Variants in PIK3C2G observed in about 807,000 individuals in gnomAD.
PIK3C2G encodes phosphatidylinositol 3-kinase C2 domain-containing subunit gamma.
Under a neutral mutation model 181.1 loss-of-function variants are expected in PIK3C2G, and 168 were observed. The ratio of observed to expected loss-of-function variants is 0.93; its 90% CI spans 0.82 to 1.05. The LOEUF is 1.05. Ranked by LOEUF, PIK3C2G falls within the 50% of genes least tolerant of loss-of-function variation. The probability of loss-of-function intolerance (pLI) is 0.00; values close to 1 mark genes in which losing one functional copy is unlikely to be tolerated. For missense variants in PIK3C2G, 1,869 were observed against 1,732.8 expected, an observed-to-expected ratio of 1.08 and a Z score of -1.40; for synonymous variants, 573 against 592.2, an observed-to-expected ratio of 0.97 and a Z score of 0.47.
intron 13 of PIK3C2G, among the ~76,000 whole-genome samples, chr12:18,375,192 CT>C (rs1942349570): frequency 6.6e-6 from 1 of 152,092 alleles, no homozygotes; most frequent in African/African-American, 2.4e-5. Flanking sequence ...TTCTGAGAGA[CT>C]AGTTAAATAG....
chr12:18,393,237 CT>C (rs1372126763), intron 15 of PIK3C2G, among the ~76,000 whole-genome samples: 1 of 151,942 alleles, frequency 6.6e-6, no homozygotes, highest in African/African-American at 2.4e-5. Context: ...GCTAATAACA[CT>C]CATAAAATAA....
chr12:18,551,145 ATCAACTACTC>A (rs1369107330), intron 26 of PIK3C2G, among the ~76,000 whole-genome samples: 4 of 152,018 alleles, frequency 2.6e-5, no homozygotes, highest in Non-Finnish European at 5.9e-5. Flanking sequence ...TCACATCATC[ATCAACTACTC>A]TCTGTTTCCC....
chr12:18,663,540 G>A, the PIK3C2G span, among the ~76,000 whole-genome samples: 2 of 152,066 alleles, frequency 1.3e-5, no homozygotes, highest in South Asian at 4.2e-4. Flanking sequence ...ATCCATAGGA[G>A]GTCCTGGAAA....
intron 1 of PIK3C2G, among the ~76,000 whole-genome samples, chr12:18,278,158 A>C (rs540195127): frequency 2.6e-5 from 4 of 152,278 alleles, no homozygotes; most frequent in African/African-American, 9.6e-5. Flanking sequence ...AAAGCAATAC[A>C]TTTATTACGT....
chr12:18,582,706 A>T (rs1246503123), intron 29 of PIK3C2G, among the ~76,000 whole-genome samples: 3 of 152,182 alleles, frequency 2.0e-5, no homozygotes, highest in African/African-American at 7.2e-5. Flanking sequence ...TCCCTGAGAC[A>T]GAGCTCCCAG....
At chr12:18,564,988 A>G (rs140710210) in intron 28 of PIK3C2G, among the ~76,000 whole-genome samples, 1 of 152,262 alleles carries the variant, frequency 6.6e-6, no homozygotes, top group Non-Finnish European at 1.5e-5. Flanking sequence ...AGCTTTTGTT[A>G]GGATTCTGCT....
intron 16 of PIK3C2G, among the ~76,000 whole-genome samples, chr12:18,408,749 G>A (rs1366131713): frequency 1.3e-5 from 2 of 151,756 alleles, no homozygotes; most frequent in Non-Finnish European, 2.9e-5. Context: ...AGTAGGTGAA[G>A]GACTTCTCAA....
In PIK3C2G at chr12:18,594,520, C is replaced by G. The variant is rs761555330; in HGVS notation, c.4038C>G (p.Leu1346=). The change falls in exon 30 of 33, where the codon CTC becomes CTG. Residue 1346 remains leucine (L), a synonymous_variant. Coordinates refer to ENST00000538779, the MANE Select transcript of PIK3C2G (RefSeq NM_001288772.2). ...TNSDCVLSFF[L]SEAVQQTVEE... ...GTGATTGTGTACTTAGCTTTTTCCT[C>G]TCTGAGGCTGTGCAACAAACAGTTG... 21 of 1,554,726 alleles carry G rather than the reference C, an allele frequency of 1.4e-5. No homozygotes were observed. The highest frequency in any genetic ancestry group is 1.7e-5 in the Non-Finnish European group (20 of 1,157,052).
intron 26 of PIK3C2G, among the ~76,000 whole-genome samples, chr12:18,561,615 T>C (rs540946712): frequency 6.6e-6 from 1 of 151,824 alleles, no homozygotes; most frequent in Non-Finnish European, 1.5e-5. Context: ...GAACGAACAG[T>C]ATGAAAAAAG....
the PIK3C2G span, chr12:18,693,066 T>C: frequency 6.7e-7 from 1 of 1,486,566 alleles, no homozygotes; most frequent in Non-Finnish European, 9.4e-7. Context: ...AGGGAAAAGA[T>C]CAAAAGTGGA....
intron 5 of PIK3C2G, among the ~76,000 whole-genome samples, chr12:18,309,333 T>C (rs1950547896): frequency 6.6e-6 from 1 of 151,848 alleles, no homozygotes; most frequent in Non-Finnish European, 1.5e-5. Flanking sequence ...CATTTTTTAA[T>C]ATTAGCATTT....
At chr12:18,650,702 GTGTATATATCTATATATATATATATA>G (rs1950444268), downstream of PIK3C2G, among the ~76,000 whole-genome samples, 3 of 27,694 alleles carry the variant, frequency 1.1e-4, no homozygotes, top group African/African-American at 2.0e-4. Flanking sequence ...GTGTGTGTGT[GTGTATATATCTATATATATATATATA>G]TATATATATA....
rs773323061 is a variant in PIK3C2G, at chr12:18,503,363, T to C, written c.3099T>C (p.Asn1033=). Residue 1033 remains asparagine (N), a synonymous_variant, in exon 23 of 33, where the codon AAT becomes AAC. Transcript: ENST00000538779. ...GACTGATAGGACCATTGAAAGAAAATACAATTAAAAAGTGGTTCAGTCAGC... is the reference window on the plus strand; with the variant it reads ...GACTGATAGGACCATTGAAAGAAAACACAATTAAAAAGTGGTTCAGTCAGC... ...HSGLIGPLKE[N]TIKKWFSQHN... is the part of the protein sequence containing the mutation. 4.5e-5 allele frequency: 73 copies of C among 1,611,788 alleles called. No homozygotes were observed. The highest frequency in any genetic ancestry group is 1.6e-4 in the Middle Eastern group (1 of 6,076).
chr12:18,619,960 G>A (rs1367379334), intron 31 of PIK3C2G, among the ~76,000 whole-genome samples: 8 of 151,942 alleles, frequency 5.3e-5, no homozygotes, highest in African/African-American at 1.9e-4. Context: ...TCCTGACCTC[G>A]TGATCCGCCC....
intron 18 of PIK3C2G, among the ~76,000 whole-genome samples, chr12:18,462,341 AAAC>A (rs1301102287): frequency 1.3e-5 from 2 of 152,330 alleles, no homozygotes; most frequent in East Asian, 1.9e-4. Flanking sequence ...GCAGAATAAA[AAAC>A]AACCCTTTTA....
At chr12:18,573,212 A>G (rs1168541155) in intron 29 of PIK3C2G, among the ~76,000 whole-genome samples, 1 of 152,210 alleles carries the variant, frequency 6.6e-6, no homozygotes, top group Non-Finnish European at 1.5e-5. Context: ...AGTGTGGAAA[A>G]GAATTAAATA....
chr12:18,266,906 C>T (rs1167788074), intron 1 of PIK3C2G, among the ~76,000 whole-genome samples: 2 of 151,208 alleles, frequency 1.3e-5, no homozygotes, highest in African/African-American at 2.4e-5. Flanking sequence ...TAAAATATCA[C>T]AATACACATA....
chr12:18,565,330 C>T (rs998691145), intron 28 of PIK3C2G, among the ~76,000 whole-genome samples: 1 of 152,058 alleles, frequency 6.6e-6, no homozygotes, highest in African/African-American at 2.4e-5. Flanking sequence ...TGGGTAACTT[C>T]CAGGGGTACA....
At chr12:18,691,944 CT>C in the PIK3C2G span, among the ~76,000 whole-genome samples, 5 of 152,182 alleles carry the variant, frequency 3.3e-5, no homozygotes. Context: ...TGGAAAACAG[CT>C]CTCAATCCTC....
Sources: allele counts gnomAD v4.1 joint callset (sites outside exome capture counted in the v4.1 genomes callset), GRCh38; gene constraint gnomAD v4.1.1; transcripts MANE v1.5; gene names NCBI Gene and HGNC (gene_info 2026-07-23, HGNC 2026-07-21).